SCAPER: variants seen among roughly 807,000 people sequenced by gnomAD.
SCAPER encodes S-phase cyclin A associated protein in the ER.
In SCAPER, 98 loss-of-function variants were observed where a neutral mutation model predicts 182.2. The ratio of observed to expected loss-of-function variants is 0.54; its 90% CI spans 0.46 to 0.64. The LOEUF is 0.64. Ranked by LOEUF, SCAPER falls within the 30% of genes least tolerant of loss-of-function variation. The probability of loss-of-function intolerance (pLI) is 0.00; values close to 1 mark genes in which losing one functional copy is unlikely to be tolerated. For synonymous variants in SCAPER, 605 were observed against 564.6 expected (o/e 1.07, Z -1.01); for missense variants, 1,432 against 1,690.0 (o/e 0.85, Z 2.68).
intron 25 of SCAPER, among the ~76,000 whole-genome samples, chr15:76,466,419 CTTTTTTTTTTTTT>C: frequency 1.6e-4 from 6 of 37,394 alleles, no homozygotes; most frequent in Non-Finnish European, 2.2e-4. Flanking sequence ...GTTGGTTCTT[CTTTTTTTTTTTTT>C]TTTTTTTTTT....
At chr15:76,677,940 A>C (rs1194621647) in intron 20 of SCAPER, among the ~76,000 whole-genome samples, 5 of 152,074 alleles carry the variant, frequency 3.3e-5, no homozygotes, top group Non-Finnish European at 7.4e-5. Context: ...TAGGCAGGAA[A>C]TATAAATGAC....
intron 21 of SCAPER, among the ~76,000 whole-genome samples, chr15:76,653,976 A>G (rs2055394104): frequency 6.6e-6 from 1 of 152,232 alleles, no homozygotes; most frequent in Admixed American, 6.5e-5. Flanking sequence ...AAGGCCTAAT[A>G]TCTAGAATCT....
intron 20 of SCAPER, among the ~76,000 whole-genome samples, chr15:76,680,232 C>CA (rs1301819759): frequency 1.3e-5 from 2 of 151,396 alleles, no homozygotes; most frequent in African/African-American, 2.4e-5. Context: ...AAATACTGAC[C>CA]AAAAAAATGC....
intron 29 of SCAPER, among the ~76,000 whole-genome samples, chr15:76,366,086 TACACAC>T (rs59741618): frequency 0.018 from 2,661 of 149,458 alleles, 36 homozygotes; most frequent in African/African-American, 0.032. Context: ...CTTACACACT[TACACAC>T]ACACACACAC....
intron 22 of SCAPER, among the ~76,000 whole-genome samples, chr15:76,606,870 T>C (rs182856718): frequency 7.2e-5 from 11 of 152,346 alleles, no homozygotes; most frequent in Middle Eastern, 3.4e-3. Context: ...ATTTGCTTGG[T>C]AGATCTTCTT....
chr15:76,434,067 A>G lies in SCAPER; in HGVS notation c.3311+11T>C. 2 of 1,600,624 alleles carry G rather than the reference A, an allele frequency of 1.2e-6. No homozygotes were observed. Among genetic ancestry groups the G allele is most frequent in the Non-Finnish European group, 8.5e-7 (1 of 1,171,350 alleles). The stretch of plus-strand genomic sequence containing the variant: ...CAAAGAACAAAGTTTTAAGAACTCT[A>G]GCAATTTTACCTGATAAGGTCCTGA... On this transcript the variant is annotated intron_variant, in intron 26 of 31. Coordinates refer to ENST00000563290, the MANE Select transcript of SCAPER (RefSeq NM_020843.4).
At chr15:76,816,337 T>C (rs1379094399) in intron 5 of SCAPER, among the ~76,000 whole-genome samples, 5 of 152,230 alleles carry the variant, frequency 3.3e-5, no homozygotes, top group African/African-American at 1.2e-4. Flanking sequence ...AACCTCATTC[T>C]ATAAGCTTTT....
chr15:76,765,920 C>A (rs2063084104), intron 11 of SCAPER, among the ~76,000 whole-genome samples: 1 of 152,046 alleles, frequency 6.6e-6, no homozygotes, highest in Admixed American at 6.5e-5. Flanking sequence ...TAAATGCTAA[C>A]ATATAAAAAG....
chr15:76,614,825 A>G (rs905533010), intron 22 of SCAPER, among the ~76,000 whole-genome samples: 1 of 152,222 alleles, frequency 6.6e-6, no homozygotes, highest in Non-Finnish European at 1.5e-5. Flanking sequence ...CAATGAAACC[A>G]ACAGCTGGTT....
chr15:76,697,579 T>A (rs1287394759), intron 20 of SCAPER, among the ~76,000 whole-genome samples: 1 of 152,210 alleles, frequency 6.6e-6, no homozygotes, highest in African/African-American at 2.4e-5. Context: ...TCCAGAAAAA[T>A]TGTTAAGTTT....
Position 76,598,616 on chromosome 15 carries a change from T to C in SCAPER, c.2711+23148A>G, listed in dbSNP as rs188046532. On this transcript the variant is annotated intron_variant, in intron 22 of 31. Coordinates refer to ENST00000563290, the MANE Select transcript of SCAPER (RefSeq NM_020843.4). ...CATATATACACCATGGAATACTATATAGCCATAAAAAAGGATGAGTTCATG... is the reference window on the plus strand; with the variant it reads ...CATATATACACCATGGAATACTATACAGCCATAAAAAAGGATGAGTTCATG... Among the ~76,000 whole-genome samples the C allele has an allele frequency of 9.2e-4, 112 of 121,114 alleles. 10 individuals carry two copies. Among genetic ancestry groups the C allele is most frequent in the African/African-American group, 2.6e-3 (104 of 39,714 alleles). The allele number at this position is 121,114 out of a possible 152,430, so 79.5% of individuals were successfully genotyped here.
At chr15:76,367,541 C>T (rs944394142) in intron 29 of SCAPER, among the ~76,000 whole-genome samples, 13 of 152,174 alleles carry the variant, frequency 8.5e-5, no homozygotes, top group South Asian at 2.1e-4. Flanking sequence ...GGTTCGTGCA[C>T]ACTCCTGACC....
Position 76,563,229 on chromosome 15 carries a change from TTTCA to T in SCAPER, c.2838+10925_2838+10928del, listed in dbSNP as rs749765300. On this transcript the variant is annotated intron_variant, in intron 23 of 31. Coordinates refer to ENST00000563290, the MANE Select transcript of SCAPER (RefSeq NM_020843.4). ...TCACTGAGGTTTTTGCCTTCATAGT[TTTCA>T]TTATTTTGTGCAAGTAAGTATCTGT... Among the ~76,000 whole-genome samples the T allele has an allele frequency of 1.5e-3, 236 of 152,308 alleles. 1 individual carries two copies. The highest frequency in any genetic ancestry group is 4.4e-4 in the Non-Finnish European group (30 of 68,022).
intron 22 of SCAPER, among the ~76,000 whole-genome samples, chr15:76,615,124 C>T (rs562303382): frequency 1.3e-5 from 2 of 152,060 alleles, no homozygotes; most frequent in African/African-American, 4.8e-5. Context: ...CAAAATCTCT[C>T]GTTGAAGAAA....
chr15:76,412,251 T>C (rs1305631343), intron 26 of SCAPER, among the ~76,000 whole-genome samples: 2 of 152,178 alleles, frequency 1.3e-5, no homozygotes, highest in African/African-American at 4.8e-5. Context: ...TATATGATAC[T>C]GTACTGATGA....
intron 25 of SCAPER, among the ~76,000 whole-genome samples, chr15:76,435,421 C>T (rs895802963): frequency 1.3e-5 from 2 of 151,974 alleles, no homozygotes; most frequent in East Asian, 3.9e-4. Context: ...TCTTTTTTGT[C>T]AAAATGAAAT....
At chr15:76,878,332 TC>T (rs1395356114) in intron 2 of SCAPER, among the ~76,000 whole-genome samples, 1 of 152,170 alleles carries the variant, frequency 6.6e-6, no homozygotes, top group Non-Finnish European at 1.5e-5. Flanking sequence ...TGAGAATTCC[TC>T]ATAGTCTTCT....
At chr15:76,726,124 A>AATATATATATATAT (rs765875424) in intron 17 of SCAPER, among the ~76,000 whole-genome samples, 2 of 15,346 alleles carry the variant, frequency 1.3e-4, no homozygotes, top group Non-Finnish European at 1.8e-4. Context: ...TAATGTCTAG[A>AATATATATATATAT]ATATATATAT....
chr15:76,850,044 C>T (rs2070567322), intron 4 of SCAPER, among the ~76,000 whole-genome samples: 1 of 152,154 alleles, frequency 6.6e-6, no homozygotes, highest in Non-Finnish European at 1.5e-5. Flanking sequence ...TCCACCTGGT[C>T]CCACCCTTGA....
Sources: allele counts gnomAD v4.1 joint callset (sites outside exome capture counted in the v4.1 genomes callset), GRCh38; gene constraint gnomAD v4.1.1; transcripts MANE v1.5; gene names NCBI Gene and HGNC (gene_info 2026-07-23, HGNC 2026-07-21).